MREG: variants seen among roughly 807,000 people sequenced by gnomAD.
MREG encodes melanoregulin.
Under a neutral mutation model 28.5 loss-of-function variants are expected in MREG, and 31 were observed. That is an observed-to-expected ratio of 1.09 (90% CI 0.82 to 1.47). The LOEUF is 1.47. Ranked by LOEUF, MREG falls within the 40% of genes most tolerant of loss-of-function variation. MREG has a pLI of 0.00. For synonymous variants in MREG, 106 were observed against 95.2 expected, an observed-to-expected ratio of 1.11 and a Z score of -0.66; for missense variants, 256 against 257.4, an observed-to-expected ratio of 0.99 and a Z score of 0.04.
Position 216,000,287 on chromosome 2 carries a change from T to A in MREG, c.96-3822A>T, listed in dbSNP as rs375364924. ...CAACATGAGTTCCTGGGTGGGGATCTCGGAGGAGCCACTGTTATATAACTC... is the reference window on the plus strand; with the variant it reads ...CAACATGAGTTCCTGGGTGGGGATCACGGAGGAGCCACTGTTATATAACTC... On this transcript the variant is annotated intron_variant, in intron 1 of 4. Transcript: ENST00000263268. Among the ~76,000 whole-genome samples, 14 of 152,238 alleles carry A rather than the reference T, an allele frequency of 9.2e-5. 1 individual carries two copies. Among genetic ancestry groups the A allele is most frequent in the African/African-American group, 3.1e-4 (13 of 41,536 alleles).
chr2:215,960,702 C>T (rs868626210), intron 2 of MREG, among the ~76,000 whole-genome samples: 11 of 151,892 alleles, frequency 7.2e-5, no homozygotes, highest in Admixed American at 1.3e-4. Flanking sequence ...GGCATGGTGG[C>T]GGGCACCTGT....
chr2:215,956,664 G>A lies in MREG; in HGVS notation c.256-9551C>T, dbSNP rs116218976. Among the ~76,000 whole-genome samples the A allele has an allele frequency of 8.4e-3, 1,273 of 152,112 alleles. 9 individuals carry two copies. Among genetic ancestry groups the A allele is most frequent in the Non-Finnish European group, 0.014 (936 of 68,004 alleles). ...AGCAATCCTCCTGCTTCAGCCTCCC[G>A]AGTTGTTAGGACTACAGGTGTGCAT... On this transcript the variant is annotated intron_variant, in intron 2 of 4. Transcript: ENST00000263268.
At chr2:215,945,767 T>C (rs1312429452) in intron 3 of MREG, 33 bp from the exon 4 acceptor site, 8 of 1,590,012 alleles carry the variant, frequency 5.0e-6, no homozygotes, top group Non-Finnish European at 6.9e-6. Flanking sequence ...TCATGTAAAG[T>C]AGTCCCAAGT....
chr2:215,948,318 C>G (rs1692374811), intron 2 of MREG, among the ~76,000 whole-genome samples: 1 of 152,184 alleles, frequency 6.6e-6, no homozygotes, highest in Non-Finnish European at 1.5e-5. Context: ...TGAGGATATG[C>G]CATCAGCAGG....
At chr2:216,008,051 T>C (rs1694208166) in intron 1 of MREG, among the ~76,000 whole-genome samples, 1 of 152,056 alleles carries the variant, frequency 6.6e-6, no homozygotes, top group Admixed American at 6.5e-5. Context: ...AATTCAGTGT[T>C]CAAGCGACTT....
chr2:215,940,931 G>A (rs1380439368), downstream of MREG, among the ~76,000 whole-genome samples: 3 of 152,130 alleles, frequency 2.0e-5, no homozygotes, highest in African/African-American at 7.2e-5. Context: ...TGATGGGTGG[G>A]GGAAGAAAAC....
At chr2:216,004,552 CAAAAAAACAAACA>C (rs367719330) in intron 1 of MREG, among the ~76,000 whole-genome samples, 2,890 of 100,210 alleles carry the variant, frequency 0.029, 93 homozygotes, top group African/African-American at 0.12. Context: ...TCAAAAAAAA[CAAAAAAACAAACA>C]AAAAAAAAAA....
chr2:216,002,930 C>T (rs1259465711), intron 1 of MREG, among the ~76,000 whole-genome samples: 1 of 151,412 alleles, frequency 6.6e-6, no homozygotes, highest in Non-Finnish European at 1.5e-5. Context: ...CTCCTCCTCT[C>T]TCCTTTTTCC....
At chr2:215,997,306 T>G (rs887924731) in intron 1 of MREG, among the ~76,000 whole-genome samples, 8 of 152,180 alleles carry the variant, frequency 5.3e-5, no homozygotes, top group African/African-American at 1.9e-4. Flanking sequence ...TCCCATTCTG[T>G]ACATTTGTTT....
At chr2:215,963,868 T>C (rs992342671) in intron 2 of MREG, among the ~76,000 whole-genome samples, 2 of 152,190 alleles carry the variant, frequency 1.3e-5, no homozygotes, top group African/African-American at 4.8e-5. Flanking sequence ...CAAACATCAT[T>C]GCTTTGAAAA....
rs532728693 is a variant in MREG, at chr2:215,943,185, T to C, written c.*1678A>G. The C allele has an allele frequency of 4.0e-6, 1 of 251,984 alleles. No individual in the cohort carries two copies. Among genetic ancestry groups the C allele is most frequent in the South Asian group, 4.4e-5 (1 of 22,490 alleles). The allele number at this position is 251,984 out of a possible 1,614,324, so 15.6% of individuals were successfully genotyped here. Reference sequence around the variant, plus strand: ...CAAAATCTGTAAAAATAAAAATATTTCCATTTTTCTCAGCAATCTATGGAT... The same window carrying C: ...CAAAATCTGTAAAAATAAAAATATTCCCATTTTTCTCAGCAATCTATGGAT... On this transcript the variant is annotated 3_prime_UTR_variant, in exon 5 of 5. Coordinates refer to ENST00000263268, the MANE Select transcript of MREG (RefSeq NM_018000.3).
At chr2:215,979,406 T>C (rs7606867) in intron 2 of MREG, among the ~76,000 whole-genome samples, 144,107 of 150,452 alleles carry the variant, frequency 0.96, 69,066 homozygotes, top group African/African-American at 0.97. Flanking sequence ...GAGATTGCAG[T>C]GAGCCGAGAT....
chr2:215,984,618 A>G (rs1011581678), intron 2 of MREG, among the ~76,000 whole-genome samples: 5 of 152,110 alleles, frequency 3.3e-5, no homozygotes, highest in African/African-American at 1.2e-4. Flanking sequence ...AACCATAGAA[A>G]GAGGCACTAA....
chr2:215,975,589 A>C (rs1490053737), intron 2 of MREG, among the ~76,000 whole-genome samples: 2 of 152,202 alleles, frequency 1.3e-5, no homozygotes, highest in Non-Finnish European at 2.9e-5. Flanking sequence ...GCCAAGAGAA[A>C]AATGTAAATC....
chr2:215,974,507 T>A (rs1178818127), intron 2 of MREG, among the ~76,000 whole-genome samples: 1 of 152,144 alleles, frequency 6.6e-6, no homozygotes, highest in Non-Finnish European at 1.5e-5. Flanking sequence ...GGGACTCTCC[T>A]GGGCTCCATG....
At chr2:216,019,436 T>C (rs1164595866) in intron 1 of MREG, among the ~76,000 whole-genome samples, 1 of 152,092 alleles carries the variant, frequency 6.6e-6, no homozygotes, top group Non-Finnish European at 1.5e-5. Flanking sequence ...ACAGACACTA[T>C]CTATCTGTTT....
chr2:215,944,779 C>G lies in MREG; in HGVS notation c.*84G>C. ...TCACTAAGCAAACTCTATTTGCTCACTCTCTTCTACATGTAATTGTCCAAC... is the reference window on the plus strand; with the variant it reads ...TCACTAAGCAAACTCTATTTGCTCAGTCTCTTCTACATGTAATTGTCCAAC... On this transcript the variant is annotated 3_prime_UTR_variant, in exon 5 of 5. Transcript: ENST00000263268. 1 of 1,361,438 alleles carries G rather than the reference C, an allele frequency of 7.3e-7. No individual in the cohort carries two copies. The highest frequency in any genetic ancestry group is 2.1e-5 in the Admixed American group (1 of 46,898). The allele number at this position is 1,361,438 out of a possible 1,614,324, so 84.3% of individuals were successfully genotyped here.
chr2:216,010,224 C>T (rs1694261778), intron 1 of MREG, among the ~76,000 whole-genome samples: 1 of 152,042 alleles, frequency 6.6e-6, no homozygotes, highest in South Asian at 2.1e-4. Context: ...AGTCAAGGAA[C>T]ATTGGGAGCA....
In MREG at chr2:215,996,358, C is replaced by T; in HGVS notation, c.203G>A (p.Arg68Lys). 1 of 1,613,994 alleles carries T rather than the reference C, an allele frequency of 6.2e-7. No homozygotes were observed. Among genetic ancestry groups the T allele is most frequent in the Non-Finnish European group, 8.5e-7 (1 of 1,179,886 alleles). Reference protein sequence around the residue: ...DVSHTEADDDRTLYNLIVIRN... With the variant: ...DVSHTEADDDKTLYNLIVIRN... ...AATGACTATCAAATTGTACAGGGTT[C>T]TGTCGTCGTCTGCCTCTGTGTGGGA... Residue 68 changes from arginine to lysine, a missense_variant, in exon 2 of 5, where the codon AGA becomes AAA. Physicochemically the swap from Arg to Lys is conservative, Grantham distance 26. Transcript: ENST00000263268.
Sources: gnomAD v4.1 joint callset for allele counts (sites outside exome capture counted in the v4.1 genomes callset) on GRCh38, gnomAD v4.1.1 for gene constraint, MANE v1.5 for transcripts, NCBI Gene and HGNC (gene_info 2026-07-23, HGNC 2026-07-21) for gene names.